The following RAG2 variants were observed in gnomAD, a reference collection of about 807,000 sequenced individuals.
RAG2 encodes the protein V(D)J recombination-activating protein 2.
A neutral mutation model predicts 31.8 loss-of-function variants in RAG2; 16 were observed. The observed-to-expected ratio is 0.50, with a 90% CI of 0.34 to 0.76. The LOEUF (loss-of-function observed/expected upper bound fraction) is 0.76. RAG2 is among the 30% of genes least tolerant of loss of function. RAG2 has a pLI of 0.01. For synonymous variants in RAG2, 199 were observed against 215.9 expected, an observed-to-expected ratio of 0.92 and a Z score of 0.68; for missense variants, 622 against 628.5, an observed-to-expected ratio of 0.99 and a Z score of 0.11.
intron 1 of RAG2, chr11:36,595,341 A>C (rs1408344256): frequency 6.6e-6 from 1 of 152,254 alleles, no homozygotes; most frequent in East Asian, 1.9e-4. Flanking sequence ...GTTACAACAA[A>C]AAGAATATTT....
chr11:36,598,181 A>T lies in RAG2; in HGVS notation c.-107T>A, dbSNP rs1015641905. On this transcript the variant is annotated 5_prime_UTR_variant, in exon 1 of 2. Transcript: ENST00000311485. ...TATTAATTGTCAGCACTTGGGGAAGATTCACTGACTGCCCACTATGACTGT... is the reference window on the plus strand; with the variant it reads ...TATTAATTGTCAGCACTTGGGGAAGTTTCACTGACTGCCCACTATGACTGT... 5 of 152,078 alleles carry T rather than the reference A, an allele frequency of 3.3e-5. No individual in the cohort carries two copies. Among genetic ancestry groups the T allele is most frequent in the Non-Finnish European group, 5.9e-5 (4 of 68,022 alleles). The allele number at this position is 152,078 out of a possible 1,614,324, so 9.4% of individuals were successfully genotyped here. A position where few individuals can be genotyped will look rare whatever the true frequency, so the allele number is the denominator to read the frequency against.
downstream of RAG2, among the ~76,000 whole-genome samples, chr11:36,591,351 T>A (rs1299052365): frequency 2.0e-5 from 3 of 152,078 alleles, no homozygotes; most frequent in African/African-American, 7.2e-5. Flanking sequence ...CAGTGAGGAG[T>A]AAGAGTCTTC....
chr11:36,592,209 T>C lies in RAG2; in HGVS notation c.*376A>G, dbSNP rs2133309910. Reference sequence around the variant, plus strand: ...TTCTTTTGGGTGTTAATTTCTTTATTGGCTAAATTTGTCATAAACACTTTA... The same window carrying C: ...TTCTTTTGGGTGTTAATTTCTTTATCGGCTAAATTTGTCATAAACACTTTA... On this transcript the variant is annotated 3_prime_UTR_variant, in exon 2 of 2. Transcript: ENST00000311485. 4.5e-6 allele frequency: 1 copy of C among 219,914 alleles called. No homozygotes were observed. The highest frequency in any genetic ancestry group is 9.1e-6 in the Non-Finnish European group (1 of 109,574). The allele number at this position is 219,914 out of a possible 1,614,324, so 13.6% of individuals were successfully genotyped here. A position where few individuals can be genotyped will look rare whatever the true frequency, so the allele number is the denominator to read the frequency against.
intron 1 of RAG2, among the ~76,000 whole-genome samples, chr11:36,597,247 A>G (rs1223436764): frequency 6.6e-6 from 1 of 152,234 alleles, no homozygotes; most frequent in Non-Finnish European, 1.5e-5. Flanking sequence ...GGAGTAGACC[A>G]TTGTATCTCT....
chr11:36,592,541 A>G lies in RAG2; in HGVS notation c.*44T>C. On this transcript the variant is annotated 3_prime_UTR_variant, in exon 2 of 2. Coordinates refer to ENST00000311485, the MANE Select transcript of RAG2 (RefSeq NM_000536.4). ...ATCAATGTTATGATTTTAAAAATAG[A>G]TTCAAAAATTCCATACACCTGAATC... 2 of 1,599,100 alleles carry G rather than the reference A, an allele frequency of 1.3e-6. No individual in the cohort carries two copies. Among genetic ancestry groups the G allele is most frequent in the Non-Finnish European group, 1.7e-6 (2 of 1,171,782 alleles).
chr11:36,591,883 A>G (rs1369603858), downstream of RAG2: 1 of 152,268 alleles, frequency 6.6e-6, no homozygotes, highest in Non-Finnish European at 1.5e-5. Flanking sequence ...GCATCATATA[A>G]TGGGGAGGGG....
chr11:36,596,933 A>T (rs1183417020), intron 1 of RAG2, among the ~76,000 whole-genome samples: 4 of 152,164 alleles, frequency 2.6e-5, no homozygotes, highest in Admixed American at 1.3e-4. Flanking sequence ...TTTGTAGCTT[A>T]GTCTAGGCCC....
intron 1 of RAG2, among the ~76,000 whole-genome samples, chr11:36,596,479 T>A (rs1222813308): frequency 2.0e-5 from 3 of 152,176 alleles, no homozygotes; most frequent in South Asian, 4.1e-4. Context: ...ATCTAGGCAG[T>A]GTTTTATTTA....
chr11:36,593,428 C>A lies in RAG2; in HGVS notation c.741G>T (p.Val247=). 1 of 1,614,008 alleles carries A rather than the reference C, an allele frequency of 6.2e-7. No homozygotes were observed. The highest frequency in any genetic ancestry group is 8.5e-7 in the Non-Finnish European group (1 of 1,180,036). ...RVDLPLGSPA[V]NCTVLPGGIS... is the part of the protein sequence containing the mutation. ...TTCCTCCTGGCAAGACTGTGCAATTCACAGCTGGGCTACCCAGGGGAAGAT... is the reference window on the plus strand; with the variant it reads ...TTCCTCCTGGCAAGACTGTGCAATTAACAGCTGGGCTACCCAGGGGAAGAT... The change falls in exon 2 of 2, where the codon GTG becomes GTT. Residue 247 remains valine, a synonymous_variant. Transcript: ENST00000311485.
At position 36,592,379 on chromosome 11, in the gene RAG2, G is replaced by A; in HGVS notation, c.*206C>T. The stretch of plus-strand genomic sequence containing the variant: ...ATAAATTAGTAAATTGAGTATTTGG[G>A]TAAAATATTTTCAAAATGTATAGGG... On this transcript the variant is annotated 3_prime_UTR_variant, in exon 2 of 2. Coordinates refer to ENST00000311485, the MANE Select transcript of RAG2 (RefSeq NM_000536.4). 1.5e-6 allele frequency: 1 copy of A among 655,546 alleles called. No individual in the cohort carries two copies. Among genetic ancestry groups the A allele is most frequent in the South Asian group, 2.1e-5 (1 of 47,928 alleles). The allele number at this position is 655,546 out of a possible 1,614,324, so 40.6% of individuals were successfully genotyped here. A position where few individuals can be genotyped will look rare whatever the true frequency, so the allele number is the denominator to read the frequency against.
chr11:36,595,848 A>G (rs555480594), intron 1 of RAG2, among the ~76,000 whole-genome samples: 3 of 152,344 alleles, frequency 2.0e-5, no homozygotes, highest in African/African-American at 7.2e-5. Context: ...AGAGGATGAG[A>G]AGGGGCTTTA....
At position 36,592,794 on chromosome 11, in the gene RAG2, T is replaced by C. The variant is rs1204766339; in HGVS notation, c.1375A>G (p.Met459Val). The C allele has an allele frequency of 1.9e-6, 3 of 1,614,160 alleles. No homozygotes were observed. The highest frequency in any genetic ancestry group is 2.2e-5 in the East Asian group (1 of 44,876). The change falls in exon 2 of 2, where the codon ATG becomes GTG. Residue 459 changes from methionine to valine, a missense_variant. Met to Val is a conservative substitution (Grantham distance 21). Transcript: ENST00000311485. ...ATGAGTGTGCGTTCTGCCAGATCCATGCACTGAGCATGGACCCAGTGCCCA... is the reference window on the plus strand; with the variant it reads ...ATGAGTGTGCGTTCTGCCAGATCCACGCACTGAGCATGGACCCAGTGCCCA... ...GDGHWVHAQCMDLAERTLIHL... is the reference protein window; with the variant it reads ...GDGHWVHAQCVDLAERTLIHL...
rs1851358749 is a variant in RAG2 at position 36,598,201 on chromosome 11, G to A, written c.-127C>T. 2 of 152,022 alleles carry A rather than the reference G, an allele frequency of 1.3e-5. No individual in the cohort carries two copies. Among genetic ancestry groups the A allele is most frequent in the Admixed American group, 1.3e-4 (2 of 15,252 alleles). The allele number at this position is 152,022 out of a possible 1,614,324, so 9.4% of individuals were successfully genotyped here. ...GGAAGATTCACTGACTGCCCACTAT[G>A]ACTGTGGCAAGCAGAAGGCTGACTG... is the stretch of plus-strand genomic sequence containing the variant. On this transcript the variant is annotated 5_prime_UTR_variant, in exon 1 of 2. Coordinates refer to ENST00000311485, the MANE Select transcript of RAG2 (RefSeq NM_000536.4).
intron 1 of RAG2, chr11:36,594,420 A>G (rs1419416911): frequency 1.9e-6 from 1 of 537,312 alleles, no homozygotes; most frequent in Non-Finnish European, 3.3e-6. Context: ...TATGCTCCCT[A>G]GGATTTCTGG....
Position 36,593,905 on chromosome 11 carries a change from C to G in RAG2, c.264G>C (p.Lys88Asn), listed in dbSNP as rs1279112357. The change falls in exon 2 of 2, where the codon AAG becomes AAC. Residue 88 changes from lysine to asparagine, a missense_variant. By Grantham distance (94) the Lys-to-Asn change is moderately conservative. Transcript: ENST00000311485. ...CTFKGSLESE[K>N]HQYIIHGGKT... ...TCCCTCCATGGATGATGTATTGATG[C>G]TTTTCAGACTCCAAGCTGCCTTTGA... The G allele has an allele frequency of 6.2e-7, 1 of 1,614,208 alleles. No homozygotes were observed. The highest frequency in any genetic ancestry group is 2.2e-5 in the East Asian group (1 of 44,888).
Position 36,592,422 on chromosome 11 carries a change from T to A in RAG2, c.*163A>T, listed in dbSNP as rs1851035124. On this transcript the variant is annotated 3_prime_UTR_variant, in exon 2 of 2. Coordinates refer to ENST00000311485, the MANE Select transcript of RAG2 (RefSeq NM_000536.4). Reference sequence around the variant, plus strand: ...GTATAGGGTCTAGAATGACTTTATTTATCATTGCATTATAAACACTTTTTT... The same window carrying A: ...GTATAGGGTCTAGAATGACTTTATTAATCATTGCATTATAAACACTTTTTT... 3.5e-6 allele frequency: 3 copies of A among 867,598 alleles called. No homozygotes were observed. Among genetic ancestry groups the A allele is most frequent in the Non-Finnish European group, 5.2e-6 (3 of 579,954 alleles). The allele number at this position is 867,598 out of a possible 1,614,324, so 53.7% of individuals were successfully genotyped here. A position where few individuals can be genotyped will look rare whatever the true frequency, so the allele number is the denominator to read the frequency against.
In RAG2 at chr11:36,593,031, C is replaced by A. The variant is rs151269922; in HGVS notation, c.1138G>T (p.Asp380Tyr). 3.9e-5 allele frequency: 63 copies of A among 1,614,180 alleles called. No homozygotes were observed. In the African/African-American group the frequency reaches 7.3e-4, roughly 19 times the overall value. The change falls in exon 2 of 2, where the codon GAC becomes TAC. Residue 380 changes from aspartate to tyrosine, a missense_variant. By Grantham distance (160) the Asp-to-Tyr change is radical. Transcript: ENST00000311485. ...GCACTGAAACAAAATTCTTCAGAGT[C>A]TTCAAAGGGAGTGGAATCCCCTGGA... ...EDPGDSTPFEDSEEFCFSAEA... is the reference protein window; with the variant it reads ...EDPGDSTPFEYSEEFCFSAEA...
Position 36,592,946 on chromosome 11 carries a change from T to G in RAG2, c.1223A>C (p.Glu408Ala), listed in dbSNP as rs763281636. The G allele has an allele frequency of 3.1e-6, 5 of 1,614,030 alleles. No individual in the cohort carries two copies. Among genetic ancestry groups the G allele is most frequent in the Non-Finnish European group, 4.2e-6 (5 of 1,180,032 alleles). Residue 408 changes from glutamate to alanine, a missense_variant, in exon 2 of 2, where the codon GAA becomes GCA. Physicochemically the swap from Glu to Ala is moderately radical, Grantham distance 107. Coordinates refer to ENST00000311485, the MANE Select transcript of RAG2 (RefSeq NM_000536.4). ...EFDTYNEDDE[E>A]DESETGYWIT... ...CCAGTAGCCTGTCTCAGACTCATCT[T>G]CTTCATCATCTTCATTATAGGTGTC...
At position 36,594,242 on chromosome 11, in the gene RAG2, T is replaced by A. The variant is rs138100839; in HGVS notation, c.-27-47A>T. ...ATGACTTAGAGATCGCTTCATATAA[T>A]CATCGTATTTAGATTCCTTCACATG... is the stretch of plus-strand genomic sequence containing the variant. On this transcript the variant is annotated intron_variant, in intron 1 of 1. Coordinates refer to ENST00000311485, the MANE Select transcript of RAG2 (RefSeq NM_000536.4). The A allele has an allele frequency of 1.1e-3, 1,368 of 1,209,628 alleles. 4 individuals carry two copies. In the African/African-American group the frequency reaches 0.017, roughly 15 times the overall value. 74.9% of individuals were successfully genotyped at this position (1,209,628 alleles called of 1,614,324 possible). A position where few individuals can be genotyped will look rare whatever the true frequency, so the allele number is the denominator to read the frequency against.
Sources: allele counts gnomAD v4.1 joint callset (sites outside exome capture counted in the v4.1 genomes callset), GRCh38; gene constraint gnomAD v4.1.1; transcripts MANE v1.5; gene names NCBI Gene and HGNC (gene_info 2026-07-23, HGNC 2026-07-21).